Variants in SCHIP1 observed in about 807,000 individuals in gnomAD.
The protein encoded by SCHIP1 is schwannomin interacting protein 1, also known as schwannomin-interacting protein 1.
A neutral mutation model predicts 29.7 loss-of-function variants in SCHIP1; 8 were observed. The observed-to-expected ratio is 0.27, with a 90% confidence interval of 0.16 to 0.49. The LOEUF (loss-of-function observed/expected upper bound fraction) is 0.49, where lower values mean the gene tolerates loss of function less well. Ranked by LOEUF, SCHIP1 falls within the 20% of genes least tolerant of loss-of-function variation. The pLI, the probability that SCHIP1 is intolerant of heterozygous loss-of-function variation, is 0.99. For synonymous variants in SCHIP1, 76 were observed against 94.9 expected (o/e 0.80, Z 1.16); for missense variants, 193 against 294.6 (o/e 0.66, Z 2.52).
At chr3:159,736,870 G>C in the SCHIP1 span, among the ~76,000 whole-genome samples, 1 of 152,130 alleles carries the variant, frequency 6.6e-6, no homozygotes, top group Non-Finnish European at 1.5e-5. Context: ...GAGTAGCTGG[G>C]ACTACAGGCA....
At chr3:159,413,229 T>C in the SCHIP1 span, among the ~76,000 whole-genome samples, 1,555 of 152,284 alleles carry the variant, frequency 0.01, 38 homozygotes, top group African/African-American at 0.035. Flanking sequence ...AAGGTGATAT[T>C]TGAGTGGGGA....
At chr3:159,801,818 T>C in the SCHIP1 span, among the ~76,000 whole-genome samples, 1 of 152,102 alleles carries the variant, frequency 6.6e-6, no homozygotes, top group South Asian at 2.1e-4. Flanking sequence ...TAAAAACATC[T>C]GCACGAGGTA....
chr3:159,662,536 A>G, the SCHIP1 span, among the ~76,000 whole-genome samples: 2 of 152,046 alleles, frequency 1.3e-5, no homozygotes, highest in Non-Finnish European at 2.9e-5. Flanking sequence ...AATCAACTAC[A>G]CCCAGTCATA....
the SCHIP1 span, among the ~76,000 whole-genome samples, chr3:159,680,709 A>ATG: frequency 1.1e-5 from 1 of 87,246 alleles, no homozygotes; most frequent in Non-Finnish European, 2.0e-5. Context: ...TATATATTAT[A>ATG]TATAATATAT....
the SCHIP1 span, among the ~76,000 whole-genome samples, chr3:159,588,882 G>C: frequency 6.6e-6 from 1 of 152,218 alleles, no homozygotes; most frequent in Non-Finnish European, 1.5e-5. Flanking sequence ...AGTAGAGTTT[G>C]AAGTCAGGTA....
At chr3:159,548,210 G>A in the SCHIP1 span, among the ~76,000 whole-genome samples, 1 of 152,038 alleles carries the variant, frequency 6.6e-6, no homozygotes, top group East Asian at 1.9e-4. Flanking sequence ...TGTTAGAGAA[G>A]CCATTTTAGC....
At chr3:159,403,778 TG>T in the SCHIP1 span, among the ~76,000 whole-genome samples, 1 of 152,124 alleles carries the variant, frequency 6.6e-6, no homozygotes, top group African/African-American at 2.4e-5. Context: ...CCAGTGGAAT[TG>T]GGGGACATAT....
the SCHIP1 span, among the ~76,000 whole-genome samples, chr3:159,527,660 T>C: frequency 6.4e-4 from 98 of 152,340 alleles, no homozygotes; most frequent in African/African-American, 2.3e-3. Context: ...AAGAAGTGCT[T>C]GAGTTTATAT....
At chr3:159,426,585 A>C in the SCHIP1 span, among the ~76,000 whole-genome samples, 1 of 152,242 alleles carries the variant, frequency 6.6e-6, no homozygotes, top group Non-Finnish European at 1.5e-5. Flanking sequence ...ATGGATTCAC[A>C]GCCAAATTCT....
At chr3:159,512,164 G>C in the SCHIP1 span, among the ~76,000 whole-genome samples, 1 of 152,114 alleles carries the variant, frequency 6.6e-6, no homozygotes, top group African/African-American at 2.4e-5. Flanking sequence ...GGGAAAGAAG[G>C]AAAGTGAGAG....
the SCHIP1 span, among the ~76,000 whole-genome samples, chr3:159,651,943 A>G: frequency 2.0e-5 from 3 of 152,132 alleles, no homozygotes; most frequent in Non-Finnish European, 4.4e-5. Flanking sequence ...AAAAATACCA[A>G]AAATTAGCCG....
chr3:159,831,729 G>C, the SCHIP1 span, among the ~76,000 whole-genome samples: 1 of 152,148 alleles, frequency 6.6e-6, no homozygotes, highest in African/African-American at 2.4e-5. Flanking sequence ...TGGACAAAGA[G>C]AGGATTCACA....
At chr3:159,866,583 G>A (rs936727622) in intron 2 of SCHIP1, among the ~76,000 whole-genome samples, 2 of 151,960 alleles carry the variant, frequency 1.3e-5, no homozygotes, top group Non-Finnish European at 2.9e-5. Flanking sequence ...ACACTCCTAA[G>A]CAAGCTGACT....
the SCHIP1 span, among the ~76,000 whole-genome samples, chr3:159,749,233 A>G: frequency 6.6e-6 from 1 of 152,088 alleles, no homozygotes; most frequent in African/African-American, 2.4e-5. Context: ...TTGGGAGGCC[A>G]AGGGCAGCTG....
chr3:159,810,338 C>T, the SCHIP1 span, among the ~76,000 whole-genome samples: 1 of 152,212 alleles, frequency 6.6e-6, no homozygotes, highest in South Asian at 2.1e-4. Context: ...AGCCACCACG[C>T]CCGGCCTCAA....
the SCHIP1 span, among the ~76,000 whole-genome samples, chr3:159,543,136 T>TAG: frequency 1.6e-3 from 235 of 145,122 alleles, no homozygotes; most frequent in African/African-American, 5.6e-3. Flanking sequence ...TATATATATA[T>TAG]AGATATAAAA....
chr3:159,825,076 A>G, the SCHIP1 span, among the ~76,000 whole-genome samples: 2 of 152,134 alleles, frequency 1.3e-5, no homozygotes. Flanking sequence ...GACTTTTTAC[A>G]CTTATCAATA....
chr3:159,328,662 G>T, the SCHIP1 span, among the ~76,000 whole-genome samples: 1 of 152,170 alleles, frequency 6.6e-6, no homozygotes, highest in Non-Finnish European at 1.5e-5. Flanking sequence ...CCTGGCTGGA[G>T]TGTGCTGCCA....
At chr3:159,440,510 A>C in the SCHIP1 span, among the ~76,000 whole-genome samples, 1 of 152,164 alleles carries the variant, frequency 6.6e-6, no homozygotes, top group South Asian at 2.1e-4. Context: ...ACAAGAAATG[A>C]AGATGTGATT....
Sources: gnomAD v4.1 joint callset for allele counts (sites outside exome capture counted in the v4.1 genomes callset) on GRCh38, gnomAD v4.1.1 for gene constraint, MANE v1.5 for transcripts, NCBI Gene and HGNC (gene_info 2026-07-23, HGNC 2026-07-21) for gene names.